EDIL3: variants seen among roughly 807,000 people sequenced by gnomAD.
The protein encoded by EDIL3 is EGF like and discoidin domains 3, also known as EGF-like repeat and discoidin I-like domain-containing protein 3.
In EDIL3, 37 loss-of-function variants were observed where a neutral mutation model predicts 67.4. The observed-to-expected ratio is 0.55, with a 90% CI of 0.42 to 0.72. The LOEUF (loss-of-function observed/expected upper bound fraction) is 0.72, where lower values mean the gene tolerates loss of function less well. EDIL3 is among the 30% of genes least tolerant of loss of function. The pLI is 0.00. For synonymous variants in EDIL3, 195 were observed against 196.3 expected (o/e 0.99, Z 0.05); for missense variants, 527 against 586.3 (o/e 0.90, Z 1.04).
At chr5:84,248,476 C>CTTTGTAT (rs2112068910) in intron 2 of EDIL3, among the ~76,000 whole-genome samples, 1 of 152,270 alleles carries the variant, frequency 6.6e-6, no homozygotes, top group African/African-American at 2.4e-5. Context: ...ATTTCTAATT[C>CTTTGTAT]CTCTATTCTT....
intron 1 of EDIL3, among the ~76,000 whole-genome samples, chr5:84,342,844 C>G (rs1747153123): frequency 1.3e-5 from 2 of 152,028 alleles, no homozygotes; most frequent in African/African-American, 4.8e-5. Context: ...TTCATGATTG[C>G]TCAGTATTAC....
intron 6 of EDIL3, among the ~76,000 whole-genome samples, chr5:84,075,178 A>G (rs573537959): frequency 6.6e-6 from 1 of 151,378 alleles, no homozygotes; most frequent in African/African-American, 2.4e-5. Flanking sequence ...GAATGGGAGC[A>G]TCACACTCTG....
Position 84,309,099 on chromosome 5 carries a change from C to T in EDIL3, c.68-54887G>A, listed in dbSNP as rs974616508. 9.2e-5 allele frequency among the ~76,000 whole-genome samples: 14 copies of T among 152,192 alleles called. No homozygotes were observed. The South Asian group carries it at 2.7e-3, about 29-fold the overall frequency. On this transcript the variant is annotated intron_variant, in intron 1 of 10. Transcript: ENST00000296591. The stretch of plus-strand genomic sequence containing the variant: ...AGTCTGGTGCTACATATTGAGGACA[C>T]GATTTTTAACTTTAAAGCTCAAACT...
intron 1 of EDIL3, among the ~76,000 whole-genome samples, chr5:84,348,593 CAAAA>C (rs34145102): frequency 2.2e-5 from 3 of 139,152 alleles, no homozygotes; most frequent in African/African-American, 2.6e-5. Flanking sequence ...TCCTCTGTGG[CAAAA>C]AAAAAAAAAA....
intron 9 of EDIL3, among the ~76,000 whole-genome samples, chr5:84,043,135 T>G (rs1746161702): frequency 6.6e-6 from 1 of 152,230 alleles, no homozygotes; most frequent in African/African-American, 2.4e-5. Context: ...GGGACAAAAT[T>G]TTTACAACTT....
intron 1 of EDIL3, among the ~76,000 whole-genome samples, chr5:84,354,472 T>C (rs1410346067): frequency 1.3e-5 from 2 of 151,760 alleles, no homozygotes; most frequent in Non-Finnish European, 2.9e-5. Flanking sequence ...GACTGGCCAA[T>C]GTGGCAAAAC....
chr5:84,383,146 C>G (rs1014355717), intron 1 of EDIL3, among the ~76,000 whole-genome samples: 2 of 152,234 alleles, frequency 1.3e-5, no homozygotes, highest in South Asian at 2.1e-4. Flanking sequence ...GTAGTTCACT[C>G]AGCTTTCCAC....
At chr5:84,147,523 T>C (rs1367440705) in intron 4 of EDIL3, among the ~76,000 whole-genome samples, 1 of 151,946 alleles carries the variant, frequency 6.6e-6, no homozygotes, top group African/African-American at 2.4e-5. Context: ...TTATCACCAA[T>C]TAATACCACT....
At chr5:84,005,021 C>T (rs182839089) in intron 9 of EDIL3, among the ~76,000 whole-genome samples, 5 of 152,072 alleles carry the variant, frequency 3.3e-5, no homozygotes, top group East Asian at 1.9e-4. Flanking sequence ...CAATTGATTC[C>T]GCAGAAATAC....
intron 9 of EDIL3, among the ~76,000 whole-genome samples, chr5:83,987,859 G>T (rs941146470): frequency 5.3e-5 from 4 of 75,442 alleles, no homozygotes; most frequent in Non-Finnish European, 9.3e-5. Flanking sequence ...GATAGGGTGT[G>T]TGTGTGTATG....
At chr5:84,317,020 T>A (rs982492039) in intron 1 of EDIL3, among the ~76,000 whole-genome samples, 10 of 152,038 alleles carry the variant, frequency 6.6e-5, no homozygotes, top group Admixed American at 5.2e-4. Context: ...ATTGCGTAAA[T>A]AATGAAATGC....
At chr5:84,351,620 T>C (rs1315021115) in intron 1 of EDIL3, among the ~76,000 whole-genome samples, 1 of 152,196 alleles carries the variant, frequency 6.6e-6, no homozygotes, top group Non-Finnish European at 1.5e-5. Context: ...TTACTCAGTA[T>C]TGGACACTCA....
chr5:84,382,576 G>A (rs1052717867), intron 1 of EDIL3, among the ~76,000 whole-genome samples: 3 of 151,960 alleles, frequency 2.0e-5, no homozygotes, highest in Non-Finnish European at 4.4e-5. Flanking sequence ...AAACGTAGGC[G>A]GGGAAGAGAA....
intron 1 of EDIL3, among the ~76,000 whole-genome samples, chr5:84,315,807 G>A (rs533390815): frequency 1.1e-4 from 16 of 152,132 alleles, no homozygotes; most frequent in South Asian, 2.1e-4. Flanking sequence ...ACACATAATC[G>A]TCAGATTCAC....
chr5:84,224,018 TGTA>T (rs1391613835), intron 3 of EDIL3, among the ~76,000 whole-genome samples: 2 of 151,344 alleles, frequency 1.3e-5, no homozygotes, highest in Non-Finnish European at 3.0e-5. Context: ...CAGTTCCACT[TGTA>T]GTATTAAAAA....
intron 4 of EDIL3, among the ~76,000 whole-genome samples, chr5:84,155,007 T>G (rs753055346): frequency 5.9e-5 from 9 of 152,268 alleles, no homozygotes; most frequent in Middle Eastern, 3.4e-3. Context: ...CCTCTGCTTC[T>G]TATTCTAAGT....
intron 4 of EDIL3, among the ~76,000 whole-genome samples, chr5:84,157,727 T>C (rs954266185): frequency 8.3e-6 from 1 of 121,128 alleles, no homozygotes; most frequent in Non-Finnish European, 1.7e-5. Context: ...GAGAGAATGA[T>C]ACAAAAGAAG....
intron 5 of EDIL3, among the ~76,000 whole-genome samples, chr5:84,114,997 T>C (rs1345312105): frequency 2.0e-5 from 3 of 152,216 alleles, no homozygotes; most frequent in Non-Finnish European, 4.4e-5. Flanking sequence ...CTTAGCACAG[T>C]GCTTACAAAT....
chr5:84,058,751 C>G (rs757245688), intron 9 of EDIL3, among the ~76,000 whole-genome samples: 2 of 152,136 alleles, frequency 1.3e-5, no homozygotes, highest in Non-Finnish European at 2.9e-5. Context: ...GGGGTAATAT[C>G]TTAATGTCTT....
Sources: gnomAD v4.1 joint callset for allele counts (sites outside exome capture counted in the v4.1 genomes callset) on GRCh38, gnomAD v4.1.1 for gene constraint, MANE v1.5 for transcripts, NCBI Gene and HGNC (gene_info 2026-07-23, HGNC 2026-07-21) for gene names.